Variants in IGF2BP3 observed in about 807,000 individuals in gnomAD.
The protein encoded by IGF2BP3 is insulin-like growth factor 2 mRNA-binding protein 3.
IGF2BP3 carries 9 observed loss-of-function variants against 73.8 expected under a neutral mutation model. The observed-to-expected ratio is 0.12, with a 90% CI of 0.07 to 0.21. The LOEUF (loss-of-function observed/expected upper bound fraction) is 0.21. IGF2BP3 is among the 10% of genes least tolerant of loss of function. The pLI is 1.00. For synonymous variants in IGF2BP3, 258 were observed against 256.7 expected (o/e 1.01, Z -0.05); for missense variants, 542 against 714.0 (o/e 0.76, Z 2.75).
Position 23,372,911 on chromosome 7 carries a change from C to T in IGF2BP3, c.286-11170G>A, listed in dbSNP as rs1432190752. ...GGGCAAGCTGCAGCACAGAAAAGTT[C>T]ACAGTGTCAGAACTTGGACAGATAA... On this transcript the variant is annotated intron_variant, in intron 3 of 14. Coordinates refer to ENST00000258729, the MANE Select transcript of IGF2BP3 (RefSeq NM_006547.3). Among the ~76,000 whole-genome samples the T allele has an allele frequency of 2.0e-5, 3 of 152,160 alleles. No individual in the cohort carries two copies. The East Asian group carries it at 5.8e-4, about 29-fold the overall frequency.
At chr7:23,381,971 T>C (rs1433594313) in intron 3 of IGF2BP3, among the ~76,000 whole-genome samples, 5 of 152,172 alleles carry the variant, frequency 3.3e-5, no homozygotes, top group Non-Finnish European at 7.4e-5. Flanking sequence ...AATGCCACTA[T>C]GTGACCTGGT....
chr7:23,456,792 G>A (rs549998691), intron 2 of IGF2BP3, among the ~76,000 whole-genome samples: 23 of 152,322 alleles, frequency 1.5e-4, no homozygotes, highest in African/African-American at 4.3e-4. Flanking sequence ...GCTCACGCCC[G>A]TAATCCCAGC....
intron 10 of IGF2BP3, among the ~76,000 whole-genome samples, chr7:23,326,327 C>T (rs1784294808): frequency 6.6e-6 from 1 of 152,222 alleles, no homozygotes; most frequent in Admixed American, 6.5e-5. Flanking sequence ...TGCTCACCAT[C>T]ACTGGCCATC....
intron 2 of IGF2BP3, among the ~76,000 whole-genome samples, chr7:23,451,474 C>T (rs1339280208): frequency 6.6e-6 from 1 of 151,508 alleles, no homozygotes; most frequent in Non-Finnish European, 1.5e-5. Context: ...TTTTATAAAA[C>T]CCCTATCATT....
chr7:23,401,680 G>C (rs930252402), intron 3 of IGF2BP3, among the ~76,000 whole-genome samples: 2 of 151,888 alleles, frequency 1.3e-5, no homozygotes, highest in South Asian at 2.1e-4. Context: ...CAGGAGAATG[G>C]CTTGAACCCA....
chr7:23,440,112 A>C (rs1218560658), intron 2 of IGF2BP3, among the ~76,000 whole-genome samples: 1 of 152,088 alleles, frequency 6.6e-6, no homozygotes, highest in Non-Finnish European at 1.5e-5. Flanking sequence ...AAATACAAAA[A>C]ATTAGCTGGG....
At chr7:23,385,085 T>G (rs1786039881) in intron 3 of IGF2BP3, among the ~76,000 whole-genome samples, 1 of 152,176 alleles carries the variant, frequency 6.6e-6, no homozygotes, top group South Asian at 2.1e-4. Flanking sequence ...CCAAATAGTA[T>G]CTGGGAGTTT....
At chr7:23,421,877 C>T (rs1229268040) in intron 2 of IGF2BP3, among the ~76,000 whole-genome samples, 24 of 151,942 alleles carry the variant, frequency 1.6e-4, no homozygotes, top group African/African-American at 3.9e-4. Flanking sequence ...CTCCGCCTCC[C>T]GGGCTCAAGG....
chr7:23,389,310 G>A (rs1016864945), intron 3 of IGF2BP3, among the ~76,000 whole-genome samples: 6 of 151,878 alleles, frequency 4.0e-5, no homozygotes, highest in Non-Finnish European at 5.9e-5. Context: ...ACAGGCACAC[G>A]CCACTACACC....
chr7:23,362,917 C>A (rs11761483), intron 3 of IGF2BP3, among the ~76,000 whole-genome samples: 1 of 152,126 alleles, frequency 6.6e-6, no homozygotes, highest in East Asian at 1.9e-4. Context: ...CCACCCTCAG[C>A]TAATTTTTAA....
intron 2 of IGF2BP3, among the ~76,000 whole-genome samples, chr7:23,455,258 G>C (rs905019237): frequency 1.3e-5 from 2 of 152,184 alleles, no homozygotes; most frequent in African/African-American, 4.8e-5. Context: ...TCTCCGCTCA[G>C]CCTCAATCAC....
rs1474333586 is a variant in IGF2BP3 at position 23,310,569 on chromosome 7, T to C, written c.*1793A>G. 1 of 152,180 alleles carries C rather than the reference T, an allele frequency of 6.6e-6. No individual in the cohort carries two copies. The highest frequency in any genetic ancestry group is 1.5e-5 in the Non-Finnish European group (1 of 68,036). The allele number at this position is 152,180 out of a possible 1,614,324, so 9.4% of individuals were successfully genotyped here. A position where few individuals can be genotyped will look rare whatever the true frequency, so the allele number is the denominator to read the frequency against. ...GAAATCCAACCAGAAAGCCAGTCCA[T>C]GATTTTAGCAATTTTAATTCATTGT... On this transcript the variant is annotated 3_prime_UTR_variant, in exon 15 of 15. Transcript: ENST00000258729.
intron 2 of IGF2BP3, among the ~76,000 whole-genome samples, chr7:23,420,044 T>C (rs1787300618): frequency 2.0e-5 from 3 of 152,208 alleles, no homozygotes; most frequent in Non-Finnish European, 4.4e-5. Flanking sequence ...GTTAACTGTA[T>C]GAGACTATAC....
At chr7:23,421,230 A>G (rs1217759975) in intron 2 of IGF2BP3, among the ~76,000 whole-genome samples, 1 of 151,842 alleles carries the variant, frequency 6.6e-6, no homozygotes, top group Non-Finnish European at 1.5e-5. Flanking sequence ...GGCTGGTCTC[A>G]AACTCCTGAC....
intron 2 of IGF2BP3, among the ~76,000 whole-genome samples, chr7:23,425,886 C>A (rs986484246): frequency 2.5e-4 from 38 of 151,908 alleles, no homozygotes; most frequent in Admixed American, 1.6e-3. Context: ...ATCAACTGAG[C>A]CCTAGGGAGG....
rs576131262 is a variant in IGF2BP3, at chr7:23,310,842, G to C, written c.*1520C>G. 2.6e-5 allele frequency: 4 copies of C among 151,934 alleles called. No homozygotes were observed. The highest frequency in any genetic ancestry group is 9.7e-5 in the African/African-American group (4 of 41,404). 9.4% of individuals were successfully genotyped at this position (151,934 alleles called of 1,614,324 possible). The stretch of plus-strand genomic sequence containing the variant: ...TCCTTTAGATCAGTGTAACATGACT[G>C]TGATCATCTTACAAACAAAACTCAA... On this transcript the variant is annotated 3_prime_UTR_variant, in exon 15 of 15. Coordinates refer to ENST00000258729, the MANE Select transcript of IGF2BP3 (RefSeq NM_006547.3).
chr7:23,466,045 A>G (rs1788559900), intron 2 of IGF2BP3, among the ~76,000 whole-genome samples: 1 of 147,048 alleles, frequency 6.8e-6, no homozygotes, highest in East Asian at 2.0e-4. Flanking sequence ...TTTTTGAGGT[A>G]GAGTTTCACG....
chr7:23,341,070 G>A (rs1346442130), intron 10 of IGF2BP3, among the ~76,000 whole-genome samples: 2 of 151,872 alleles, frequency 1.3e-5, no homozygotes, highest in African/African-American at 4.8e-5. Context: ...GGCTGGTCTT[G>A]AACTCCTGAC....
At chr7:23,368,352 A>AAAGAAAGG (rs1785446170) in intron 3 of IGF2BP3, among the ~76,000 whole-genome samples, 1 of 137,054 alleles carries the variant, frequency 7.3e-6, no homozygotes, top group Non-Finnish European at 1.5e-5. Flanking sequence ...AAAAAGAAAG[A>AAAGAAAGG]AAGAAAGAAA....
Sources: gnomAD v4.1 joint callset for allele counts (sites outside exome capture counted in the v4.1 genomes callset) on GRCh38, gnomAD v4.1.1 for gene constraint, MANE v1.5 for transcripts, NCBI Gene and HGNC (gene_info 2026-07-23, HGNC 2026-07-21) for gene names.